Variants in ALDH2 observed in about 807,000 individuals in gnomAD.
ALDH2 encodes aldehyde dehydrogenase, mitochondrial.
Under a neutral mutation model 59.6 loss-of-function variants are expected in ALDH2, and 44 were observed. The ratio of observed to expected loss-of-function variants is 0.74; its 90% CI spans 0.58 to 0.95. The LOEUF (loss-of-function observed/expected upper bound fraction) is 0.95, where lower values mean the gene tolerates loss of function less well. ALDH2 is among the 40% of genes least tolerant of loss of function. ALDH2 has a pLI of 0.00. For synonymous variants in ALDH2, 291 were observed against 284.0 expected (o/e 1.02, Z -0.25); for missense variants, 570 against 696.3 (o/e 0.82, Z 2.04).
intron 1 of ALDH2, among the ~76,000 whole-genome samples, chr12:111,768,998 G>T (rs1047443762): frequency 5.3e-5 from 8 of 152,130 alleles, no homozygotes; most frequent in Admixed American, 4.6e-4. Context: ...TGTCCTCAAG[G>T]AACAGCCATC....
At chr12:111,800,104 T>G in intron 11 of ALDH2, 41 bp downstream of exon 11, 1 of 1,567,876 alleles carries the variant, frequency 6.4e-7, no homozygotes, top group African/African-American at 1.4e-5. Context: ...CAACAGAGAT[T>G]CCTCAAAGCC....
At chr12:111,802,740 T>C (rs570076673) in intron 11 of ALDH2, among the ~76,000 whole-genome samples, 125 of 140,334 alleles carry the variant, frequency 8.9e-4, no homozygotes, top group East Asian at 3.5e-3. Context: ...TTTAGCCGGG[T>C]GTGGTGGCGG....
rs57375192 is a variant in ALDH2 at position 111,797,614 on chromosome 12, CAAA to C, written c.1084-453_1084-451del. 2.3e-3 allele frequency among the ~76,000 whole-genome samples: 321 copies of C among 140,690 alleles called. No individual in the cohort carries two copies. In the Middle Eastern group the frequency reaches 0.054, roughly 23 times the overall value. 92.3% of individuals were successfully genotyped at this position (140,690 alleles called of 152,430 possible). On this transcript the variant is annotated intron_variant, in intron 9 of 12. Transcript: ENST00000261733. ...AGACCCCATCTCAAAAACAAAAATA[CAAA>C]AAAAAAAAAATACTCCCTAGTGAAT...
chr12:111,782,042 C>CT lies in ALDH2; in HGVS notation c.219+22dup, dbSNP rs750174020. ...GACAAGGTGAGAACTGGTGACTTAC[C>CT]TTGGGGGAGGGATGGATTCGTCTTC... On this transcript the variant is annotated intron_variant, in intron 2 of 12. Transcript: ENST00000261733. 11 of 1,577,380 alleles carry CT rather than the reference C, an allele frequency of 7.0e-6. No individual in the cohort carries two copies. In the Admixed American group the frequency reaches 1.8e-4, roughly 26 times the overall value.
At chr12:111,807,968 C>T (rs1383181761) in intron 12 of ALDH2, among the ~76,000 whole-genome samples, 1 of 151,816 alleles carries the variant, frequency 6.6e-6, no homozygotes, top group African/African-American at 2.4e-5. Context: ...CCTCCGCCTC[C>T]CGGGCTCAAG....
Position 111,783,317 on chromosome 12 carries a change from T to C in ALDH2, c.360+19T>C. Reference sequence around the variant, plus strand: ...CCTGGCGGTGAGTCCTCAGCCCTTCTCCCCCTCAGATCCCATGTGGTGAAT... The same window carrying C: ...CCTGGCGGTGAGTCCTCAGCCCTTCCCCCCCTCAGATCCCATGTGGTGAAT... On this transcript the variant is annotated intron_variant, in intron 3 of 12. Coordinates refer to ENST00000261733, the MANE Select transcript of ALDH2 (RefSeq NM_000690.4). The C allele has an allele frequency of 6.3e-7, 1 of 1,586,740 alleles. No homozygotes were observed. Among genetic ancestry groups the C allele is most frequent in the Non-Finnish European group, 8.6e-7 (1 of 1,162,328 alleles).
chr12:111,816,713 AAAC>A lies in ALDH2; in HGVS notation c.*7143_*7145del, dbSNP rs2068572088. On this transcript the variant is annotated 3_prime_UTR_variant, in exon 13 of 13. Coordinates refer to ENST00000261733, the MANE Select transcript of ALDH2 (RefSeq NM_000690.4). ...AGACTATGAACAGAAGACAGAGACA[AAAC>A]AACATTATTCCAAGGACTACATATA... 1.3e-5 allele frequency: 2 copies of A among 152,362 alleles called. No individual in the cohort carries two copies. The highest frequency in any genetic ancestry group is 1.3e-4 in the Admixed American group (2 of 15,308). The allele number at this position is 152,362 out of a possible 1,614,324, so 9.4% of individuals were successfully genotyped here.
At chr12:111,788,058 A>T (rs552184946) in intron 4 of ALDH2, among the ~76,000 whole-genome samples, 23 of 151,790 alleles carry the variant, frequency 1.5e-4, no homozygotes, top group African/African-American at 4.1e-4. Context: ...AATAAAAAAT[A>T]AAAAAATTAA....
intron 1 of ALDH2, among the ~76,000 whole-genome samples, chr12:111,781,009 T>A (rs968978324): frequency 6.6e-6 from 1 of 151,814 alleles, no homozygotes; most frequent in Non-Finnish European, 1.5e-5. Context: ...CTCAGGAGGC[T>A]AAGGCAGGAG....
At chr12:111,785,478 C>A in intron 4 of ALDH2, 132 bp downstream of exon 4, 5 of 748,560 alleles carry the variant, frequency 6.7e-6, no homozygotes, top group Non-Finnish European at 1.1e-5. Context: ...AATCCCAGCA[C>A]TTTGGGAGGC....
chr12:111,809,794 G>A lies in ALDH2; in HGVS notation c.*219G>A. ...GAACCTTTTAAACGACAACAATACTGCTAGCTTTCAGGATGATTTTTAAAA... is the reference window on the plus strand; with the variant it reads ...GAACCTTTTAAACGACAACAATACTACTAGCTTTCAGGATGATTTTTAAAA... On this transcript the variant is annotated 3_prime_UTR_variant, in exon 13 of 13. Transcript: ENST00000261733. 3.5e-6 allele frequency: 2 copies of A among 574,172 alleles called. No homozygotes were observed. Among genetic ancestry groups the A allele is most frequent in the East Asian group, 2.9e-5 (1 of 34,510 alleles). 35.6% of individuals were successfully genotyped at this position (574,172 alleles called of 1,614,324 possible).
intron 6 of ALDH2, among the ~76,000 whole-genome samples, chr12:111,791,059 C>A (rs1206589288): frequency 5.3e-5 from 8 of 152,106 alleles, no homozygotes; most frequent in Admixed American, 5.2e-4. Flanking sequence ...AAAAAACAAA[C>A]AAAAACCCAC....
chr12:111,779,326 A>C (rs1367981446), intron 1 of ALDH2, among the ~76,000 whole-genome samples: 1 of 152,058 alleles, frequency 6.6e-6, no homozygotes, highest in Non-Finnish European at 1.5e-5. Context: ...AGTAGCTGGG[A>C]TTACAGGCGC....
rs1314010510 is a variant in ALDH2 at position 111,792,102 on chromosome 12, C to G, written c.837C>G (p.Leu279=). 6.2e-7 allele frequency: 1 copy of G among 1,609,798 alleles called. No individual in the cohort carries two copies. Among genetic ancestry groups the G allele is most frequent in the Non-Finnish European group, 8.5e-7 (1 of 1,179,102 alleles). Residue 279 remains leucine (L), a synonymous_variant, in exon 8 of 13, where the codon CTC becomes CTG. Coordinates refer to ENST00000261733, the MANE Select transcript of ALDH2 (RefSeq NM_000690.4). ...VIQVAAGSSN[L]KRVTLELGGK... ...AGGTTGCTGCTGGGAGCAGCAACCT[C>G]AAGAGAGTGACCTTGGAGCTGGGGG...
chr12:111,804,586 A>G (rs2068478913), intron 12 of ALDH2, among the ~76,000 whole-genome samples: 1 of 152,032 alleles, frequency 6.6e-6, no homozygotes, highest in Non-Finnish European at 1.5e-5. Flanking sequence ...TGTCTCTACT[A>G]AAATACAAAA....
rs1373907435 is a variant in ALDH2, at chr12:111,766,989, C to T, written c.7C>T (p.Arg3Cys). ...TGTCCGCTAGCCCGCTGCGATGTTG[C>T]GCGCTGCCGCCCGCTTCGGGCCCCG... ML[R>C]AAARFGPRLG... Residue 3 changes from arginine (R) to cysteine (C), a missense_variant, in exon 1 of 13, where the codon CGC (arginine) becomes TGC (cysteine). Transcript: ENST00000261733. 39 of 1,521,608 alleles carry T rather than the reference C, an allele frequency of 2.6e-5. No individual in the cohort carries two copies. The highest frequency in any genetic ancestry group is 3.1e-5 in the Non-Finnish European group (35 of 1,141,272). 94.3% of individuals were successfully genotyped at this position (1,521,608 alleles called of 1,614,324 possible).
chr12:111,808,480 G>A (rs1292775821), intron 12 of ALDH2, among the ~76,000 whole-genome samples: 1 of 152,122 alleles, frequency 6.6e-6, no homozygotes, highest in Non-Finnish European at 1.5e-5. Flanking sequence ...TGAGGCAGGT[G>A]AATCACCTGA....
At chr12:111,775,820 G>A (rs560014745) in intron 1 of ALDH2, 3 of 352,082 alleles carry the variant, frequency 8.5e-6, no homozygotes, top group East Asian at 1.7e-4. Flanking sequence ...ACTTGAAGCA[G>A]AACTTTGGCA....
Position 111,816,421 on chromosome 12 carries a change from A to G in ALDH2, c.*6846A>G, listed in dbSNP as rs2068570392. On this transcript the variant is annotated 3_prime_UTR_variant, in exon 13 of 13. Transcript: ENST00000261733. ...CAGTAGGCTCTAGATGTCTCAGTAG[A>G]TAACCTCAAAGAGCATGGCGCCAGG... 1 of 152,170 alleles carries G rather than the reference A, an allele frequency of 6.6e-6. No homozygotes were observed. Among genetic ancestry groups the G allele is most frequent in the African/African-American group, 2.4e-5 (1 of 41,432 alleles). The allele number at this position is 152,170 out of a possible 1,614,324, so 9.4% of individuals were successfully genotyped here.
Sources: allele counts gnomAD v4.1 joint callset (sites outside exome capture counted in the v4.1 genomes callset), GRCh38; gene constraint gnomAD v4.1.1; transcripts MANE v1.5; gene names NCBI Gene and HGNC (gene_info 2026-07-23, HGNC 2026-07-21).